The following COLQ variants were observed in gnomAD, a reference collection of about 807,000 sequenced individuals.
The protein encoded by COLQ is collagen like tail subunit of asymmetric acetylcholinesterase.
In COLQ, 48 loss-of-function variants were observed where a neutral mutation model predicts 69.0. The observed-to-expected ratio is 0.70, with a 90% confidence interval of 0.55 to 0.88. The LOEUF (loss-of-function observed/expected upper bound fraction) is 0.88. Among genes scored for constraint, COLQ ranks in the 40% least tolerant of loss-of-function variants. The pLI, the probability that COLQ is intolerant of heterozygous loss-of-function variation, is 0.00. For missense variants in COLQ, 618 were observed against 594.6 expected (o/e 1.04, Z -0.41); for synonymous variants, 217 against 211.2 (o/e 1.03, Z -0.24).
At chr3:15,464,046 A>G (rs1458869059) in intron 12 of COLQ, among the ~76,000 whole-genome samples, 1 of 152,218 alleles carries the variant, frequency 6.6e-6, no homozygotes, top group African/African-American at 2.4e-5. Flanking sequence ...AAAAGCAGGT[A>G]CTATTGGAAA....
chr3:15,516,577 G>A (rs1162592932), intron 1 of COLQ, among the ~76,000 whole-genome samples: 1 of 152,156 alleles, frequency 6.6e-6, no homozygotes, highest in East Asian at 1.9e-4. Context: ...GTGTCTGCAG[G>A]GTCATCGATG....
chr3:15,510,206 G>A (rs948693459), intron 1 of COLQ, among the ~76,000 whole-genome samples: 1 of 151,988 alleles, frequency 6.6e-6, no homozygotes. Flanking sequence ...GATGATAGTG[G>A]AATGAAACAT....
At chr3:15,477,333 C>T (rs771557289) in intron 5 of COLQ, 136 bp from the exon 6 acceptor site, 35 of 754,708 alleles carry the variant, frequency 4.6e-5, no homozygotes, top group Non-Finnish European at 6.9e-5. Flanking sequence ...CCCCACTCTC[C>T]GAAGACTGAT....
rs113265832 is a variant in COLQ at position 15,467,616 on chromosome 3, G to A, written c.718-1179C>T. On this transcript the variant is annotated intron_variant, in intron 11 of 16. Transcript: ENST00000383788. ...CAGGGTTGCTCTTAGGAGTCACCCCGAAACCAAGGCTGGTGCATGCTATTG... is the reference window on the plus strand; with the variant it reads ...CAGGGTTGCTCTTAGGAGTCACCCCAAAACCAAGGCTGGTGCATGCTATTG... Among the ~76,000 whole-genome samples the A allele has an allele frequency of 0.012, 1,776 of 152,302 alleles. 34 individuals are homozygous for A. The highest frequency in any genetic ancestry group is 0.041 in the African/African-American group (1,700 of 41,550).
intron 1 of COLQ, among the ~76,000 whole-genome samples, chr3:15,510,425 G>A (rs1335626413): frequency 2.6e-5 from 4 of 152,022 alleles, no homozygotes; most frequent in African/African-American, 4.8e-5. Context: ...AAATTAAACC[G>A]TGGCTGAGCA....
intron 1 of COLQ, among the ~76,000 whole-genome samples, chr3:15,512,553 T>C (rs970927299): frequency 4.6e-5 from 7 of 152,234 alleles, no homozygotes; most frequent in African/African-American, 1.4e-4. Context: ...GGGTGGAAGC[T>C]GAGTCTCTTC....
chr3:15,484,627 T>C lies in COLQ; in HGVS notation c.321+3579A>G, dbSNP rs569903228. Among the ~76,000 whole-genome samples the C allele has an allele frequency of 8.5e-5, 13 of 152,374 alleles. No homozygotes were observed. In the South Asian group the frequency reaches 2.7e-3, roughly 32 times the overall value. ...GCTTTGTTCATTTCTTCTTACTCTT[T>C]TTTCTCTAAACTTCTCTTCTCGCTT... is the stretch of plus-strand genomic sequence containing the variant. On this transcript the variant is annotated intron_variant, in intron 3 of 16. Coordinates refer to ENST00000383788, the MANE Select transcript of COLQ (RefSeq NM_005677.4).
intron 6 of COLQ, among the ~76,000 whole-genome samples, chr3:15,475,716 A>G (rs1034036622): frequency 1.2e-4 from 18 of 152,234 alleles, no homozygotes; most frequent in African/African-American, 4.1e-4. Flanking sequence ...AAAGTGAAGC[A>G]GATCCCCACA....
chr3:15,467,095 G>T (rs996882464), intron 11 of COLQ, among the ~76,000 whole-genome samples: 1 of 152,200 alleles, frequency 6.6e-6, no homozygotes, highest in East Asian at 1.9e-4. Flanking sequence ...ATAGCATATG[G>T]ATTATTTGTG....
intron 1 of COLQ, among the ~76,000 whole-genome samples, chr3:15,493,807 G>C (rs1410559782): frequency 6.6e-6 from 1 of 152,244 alleles, no homozygotes; most frequent in Non-Finnish European, 1.5e-5. Flanking sequence ...AAACAGGCTA[G>C]GCGTGGTGGC....
Position 15,477,207 on chromosome 3 carries a change from C to T in COLQ, c.394-10G>A. On this transcript the variant is annotated splice_polypyrimidine_tract_variant and intron_variant, in intron 5 of 16. Transcript: ENST00000383788. ...GGGGGCCAGGTCTACCCTTCAAAGA[C>T]CAAGAACAAAAGTCAGGGCAACTGG... The T allele has an allele frequency of 6.2e-7, 1 of 1,603,486 alleles. No individual in the cohort carries two copies. Among genetic ancestry groups the T allele is most frequent in the African/African-American group, 1.3e-5 (1 of 74,980 alleles).
chr3:15,497,739 C>T lies in COLQ; in HGVS notation c.107-8102G>A, dbSNP rs117837197. On this transcript the variant is annotated intron_variant, in intron 1 of 16. Coordinates refer to ENST00000383788, the MANE Select transcript of COLQ (RefSeq NM_005677.4). ...AAGAAGAGAGAAAGCCAAGGGCACACGCTGTATGGCAGCTCAGAGTGCTTT... is the reference window on the plus strand; with the variant it reads ...AAGAAGAGAGAAAGCCAAGGGCACATGCTGTATGGCAGCTCAGAGTGCTTT... 1.7e-3 allele frequency among the ~76,000 whole-genome samples: 265 copies of T among 152,302 alleles called. 4 individuals carry two copies. In the East Asian group the frequency reaches 0.047, roughly 27 times the overall value.
At chr3:15,475,762 T>A (rs1420321613) in intron 6 of COLQ, among the ~76,000 whole-genome samples, 1 of 152,176 alleles carries the variant, frequency 6.6e-6, no homozygotes, top group Non-Finnish European at 1.5e-5. Context: ...ATGGTAATAC[T>A]TGGTATTTTC....
At position 15,455,909 on chromosome 3, in the gene COLQ, G is replaced by A. The variant is rs548322139; in HGVS notation, c.1185C>T (p.Asp395=). ...ECDDGNSDVG[D]DCIRCHRAYC... is the part of the protein sequence containing the mutation. The stretch of plus-strand genomic sequence containing the variant: ...CTGGGCCTCACTCACGGATGCAGTC[G>A]TCACCCACATCGCTGTTACCGTCGT... The change falls in exon 15 of 17, where the codon GAC becomes GAT. Residue 395 remains aspartate (D), a synonymous_variant. Transcript: ENST00000383788. 1.7e-5 allele frequency: 28 copies of A among 1,614,054 alleles called. No individual in the cohort carries two copies. Among genetic ancestry groups the A allele is most frequent in the Non-Finnish European group, 2.0e-5 (24 of 1,179,968 alleles).
chr3:15,456,548 T>G lies in COLQ; in HGVS notation c.986A>C (p.Glu329Ala). The G allele has an allele frequency of 6.2e-7, 1 of 1,614,150 alleles. No individual in the cohort carries two copies. The highest frequency in any genetic ancestry group is 8.5e-7 in the Non-Finnish European group (1 of 1,180,020). ...IFVVNNQEEL[E>A]RLNTQNAIAF... is the part of the protein sequence containing the mutation. ...AATGGCGTTTTGGGTGTTCAGCCTCTCAAGCTCCTCCTGGTTGTTGACCAC... is the reference window on the plus strand; with the variant it reads ...AATGGCGTTTTGGGTGTTCAGCCTCGCAAGCTCCTCCTGGTTGTTGACCAC... The change falls in exon 14 of 17, where the codon GAG becomes GCG. Residue 329 changes from glutamate (E) to alanine (A), a missense_variant. Physicochemically the swap from Glu to Ala is moderately radical, Grantham distance 107. Transcript: ENST00000383788.
chr3:15,505,263 A>C (rs1023360689), intron 1 of COLQ, among the ~76,000 whole-genome samples: 4 of 152,110 alleles, frequency 2.6e-5, no homozygotes, highest in African/African-American at 9.7e-5. Flanking sequence ...ACCATATAAG[A>C]AGTTATTCTC....
Position 15,521,656 on chromosome 3 carries a change from G to A in COLQ, c.-31C>T. ...CCAGGGTCTGGCGAGGGTCAAGTTA[G>A]AAAGGAGGCTGCTGCGGAGCCTTGC... On this transcript the variant is annotated 5_prime_UTR_variant, in exon 1 of 17. Coordinates refer to ENST00000383788, the MANE Select transcript of COLQ (RefSeq NM_005677.4). 3.1e-6 allele frequency: 5 copies of A among 1,613,846 alleles called. No individual in the cohort carries two copies. In the East Asian group the frequency reaches 1.1e-4, roughly 36 times the overall value.
At chr3:15,493,337 A>G (rs2062699437) in intron 1 of COLQ, among the ~76,000 whole-genome samples, 1 of 152,230 alleles carries the variant, frequency 6.6e-6, no homozygotes, top group East Asian at 1.9e-4. Context: ...CTGGGGAAAA[A>G]GGAGATTTAT....
intron 1 of COLQ, among the ~76,000 whole-genome samples, chr3:15,500,325 A>C (rs1011023293): frequency 6.6e-6 from 1 of 152,216 alleles, no homozygotes; most frequent in Non-Finnish European, 1.5e-5. Context: ...AAGTATCTGC[A>C]TCACATTTTC....
Sources: allele counts gnomAD v4.1 joint callset (sites outside exome capture counted in the v4.1 genomes callset), GRCh38; gene constraint gnomAD v4.1.1; transcripts MANE v1.5; gene names NCBI Gene and HGNC (gene_info 2026-07-23, HGNC 2026-07-21).